ROBO2: variants seen among roughly 807,000 people sequenced by gnomAD.
ROBO2 encodes the protein roundabout guidance receptor 2.
A neutral mutation model predicts 160.8 loss-of-function variants in ROBO2; 53 were observed. The ratio of observed to expected loss-of-function variants is 0.33; its 90% confidence interval spans 0.26 to 0.41. The LOEUF (loss-of-function observed/expected upper bound fraction) is 0.41, where lower values mean the gene tolerates loss of function less well. Among genes scored for constraint, ROBO2 ranks in the 10% least tolerant of loss-of-function variants. The probability of loss-of-function intolerance (pLI) is 1.00; values close to 1 mark genes in which losing one functional copy is unlikely to be tolerated. For missense variants in ROBO2, 1,577 were observed against 1,722.4 expected, an observed-to-expected ratio of 0.92 and a Z score of 1.49; for synonymous variants, 664 against 611.7, an observed-to-expected ratio of 1.09 and a Z score of -1.26.
At chr3:77,458,757 A>G (rs1472282291) in intron 2 of ROBO2, among the ~76,000 whole-genome samples, 3 of 152,162 alleles carry the variant, frequency 2.0e-5, no homozygotes, top group Non-Finnish European at 4.4e-5. Context: ...TATAATGAAG[A>G]CCTTAGTTAC....
At chr3:76,176,594 C>A (rs956831866) in intron 2 of ROBO2, among the ~76,000 whole-genome samples, 14 of 152,034 alleles carry the variant, frequency 9.2e-5, no homozygotes, top group African/African-American at 3.4e-4. Context: ...TCTCTAAGGT[C>A]TAAACAATGG....
chr3:76,291,839 T>C (rs1708818347), intron 2 of ROBO2, among the ~76,000 whole-genome samples: 1 of 152,136 alleles, frequency 6.6e-6, no homozygotes, highest in Non-Finnish European at 1.5e-5. Context: ...TGGATCTTCT[T>C]GGTATTAATT....
intron 2 of ROBO2, among the ~76,000 whole-genome samples, chr3:77,444,381 T>A (rs527343939): frequency 6.6e-6 from 1 of 152,310 alleles, no homozygotes; most frequent in East Asian, 1.9e-4. Flanking sequence ...ACCTTCAAAT[T>A]TTAATGGAAA....
intron 6 of ROBO2, among the ~76,000 whole-genome samples, chr3:77,545,428 A>G (rs1483056964): frequency 6.6e-6 from 1 of 152,100 alleles, no homozygotes; most frequent in Non-Finnish European, 1.5e-5. Flanking sequence ...TAGGTTTTAC[A>G]ACACCAAGGG....
intron 2 of ROBO2, among the ~76,000 whole-genome samples, chr3:76,129,584 C>T (rs1049652369): frequency 6.6e-6 from 1 of 152,048 alleles, no homozygotes; most frequent in African/African-American, 2.4e-5. Flanking sequence ...TCTTATTAGT[C>T]CCATTCGAAA....
At chr3:76,706,230 G>A (rs188376153) in intron 2 of ROBO2, among the ~76,000 whole-genome samples, 27 of 152,122 alleles carry the variant, frequency 1.8e-4, no homozygotes, top group Non-Finnish European at 3.5e-4. Context: ...TTGAATATGG[G>A]AATACAAACA....
At chr3:77,031,137 A>C (rs1210724517) in intron 2 of ROBO2, among the ~76,000 whole-genome samples, 1 of 152,216 alleles carries the variant, frequency 6.6e-6, no homozygotes, top group African/African-American at 2.4e-5. Flanking sequence ...TGTTCCAGCC[A>C]GATTTAACAA....
intron 2 of ROBO2, among the ~76,000 whole-genome samples, chr3:76,711,787 C>G (rs981922742): frequency 6.6e-6 from 1 of 152,198 alleles, no homozygotes; most frequent in African/African-American, 2.4e-5. Flanking sequence ...CTGCTTCACG[C>G]TTTGACCCCT....
intron 2 of ROBO2, among the ~76,000 whole-genome samples, chr3:76,554,692 G>A (rs553423057): frequency 5.9e-5 from 9 of 152,054 alleles, no homozygotes; most frequent in African/African-American, 2.2e-4. Context: ...CAACCATGTA[G>A]GGAAACTGCT....
chr3:76,359,985 A>G (rs2075409594), intron 2 of ROBO2, among the ~76,000 whole-genome samples: 1 of 152,094 alleles, frequency 6.6e-6, no homozygotes, highest in Non-Finnish European at 1.5e-5. Context: ...TTATGAATTT[A>G]TGGCTATCAT....
At chr3:77,320,957 G>T (rs894260) in intron 2 of ROBO2, among the ~76,000 whole-genome samples, 36,148 of 151,946 alleles carry the variant, frequency 0.24, 4,943 homozygotes, top group African/African-American at 0.38. Flanking sequence ...AAGTAGGCAA[G>T]GTACTTTACT....
intron 2 of ROBO2, among the ~76,000 whole-genome samples, chr3:76,201,056 T>C (rs1182692606): frequency 6.6e-6 from 1 of 152,098 alleles, no homozygotes; most frequent in Non-Finnish European, 1.5e-5. Flanking sequence ...ACTTTTATGA[T>C]CAGAAAAAGA....
chr3:76,938,904 G>C (rs1475567527), intron 2 of ROBO2, among the ~76,000 whole-genome samples: 3 of 151,164 alleles, frequency 2.0e-5, no homozygotes, highest in African/African-American at 7.3e-5. Context: ...CCAAGAGGTG[G>C]AGGTTGCAGT....
At chr3:76,451,507 A>G (rs1321596841) in intron 2 of ROBO2, among the ~76,000 whole-genome samples, 3 of 152,144 alleles carry the variant, frequency 2.0e-5, no homozygotes, top group Non-Finnish European at 4.4e-5. Flanking sequence ...TCTTCAAACT[A>G]TGACCTTAGA....
intron 2 of ROBO2, among the ~76,000 whole-genome samples, chr3:76,402,844 A>G (rs529247434): frequency 6.6e-6 from 1 of 151,768 alleles, no homozygotes; most frequent in South Asian, 2.1e-4. Flanking sequence ...ATCTGATTAG[A>G]TTGGGCTCAC....
At chr3:77,250,010 A>G (rs1301428924) in intron 2 of ROBO2, among the ~76,000 whole-genome samples, 1 of 152,150 alleles carries the variant, frequency 6.6e-6, no homozygotes, top group Non-Finnish European at 1.5e-5. Flanking sequence ...AAACTGTGTT[A>G]TAGCATACCA....
At chr3:76,056,402 G>A (rs1440240147) in intron 2 of ROBO2, among the ~76,000 whole-genome samples, 1 of 151,888 alleles carries the variant, frequency 6.6e-6, no homozygotes, top group Non-Finnish European at 1.5e-5. Flanking sequence ...CCTTTAAATT[G>A]CGTGATATTT....
intron 1 of ROBO2, among the ~76,000 whole-genome samples, chr3:77,066,388 C>G (rs2066841392): frequency 6.6e-6 from 1 of 152,126 alleles, no homozygotes; most frequent in South Asian, 2.1e-4. Context: ...ACTCTGACAA[C>G]ATTAACTGCA....
intron 2 of ROBO2, among the ~76,000 whole-genome samples, chr3:76,055,706 G>T (rs72892637): frequency 0.026 from 3,887 of 152,290 alleles, 188 homozygotes; most frequent in African/African-American, 0.088. Flanking sequence ...ATTCCAAGGT[G>T]TATGTATACT....
Sources: gnomAD v4.1 joint callset for allele counts (sites outside exome capture counted in the v4.1 genomes callset) on GRCh38, gnomAD v4.1.1 for gene constraint, MANE v1.5 for transcripts, NCBI Gene and HGNC (gene_info 2026-07-23, HGNC 2026-07-21) for gene names.